RTN4: variants seen among roughly 807,000 people sequenced by gnomAD.
The protein encoded by RTN4 is reticulon 4.
Under a neutral mutation model 90.4 loss-of-function variants are expected in RTN4, and 32 were observed. The observed-to-expected ratio is 0.35, with a 90% CI of 0.27 to 0.48. RTN4 has a LOEUF of 0.48. Among genes scored for constraint, RTN4 ranks in the 20% least tolerant of loss-of-function variants. The pLI is 0.99. For synonymous variants in RTN4, 629 were observed against 552.5 expected (o/e 1.14, Z -1.94); for missense variants, 1,706 against 1,430.2 (o/e 1.19, Z -3.11).
At chr2:55,089,214 T>C (rs1235489824) in intron 1 of RTN4, among the ~76,000 whole-genome samples, 3 of 152,094 alleles carry the variant, frequency 2.0e-5, no homozygotes, top group Admixed American at 1.3e-4. Context: ...GGGCTATCCT[T>C]AGGACTCTTT....
At chr2:55,113,752 G>A (rs1197099629), upstream of RTN4, among the ~76,000 whole-genome samples, 1 of 152,178 alleles carries the variant, frequency 6.6e-6, no homozygotes, top group African/African-American at 2.4e-5. Flanking sequence ...AGGGAGAGGT[G>A]ACCCCCAGTC....
chr2:55,104,936 A>G (rs1031468001), intron 1 of RTN4, among the ~76,000 whole-genome samples: 1 of 151,850 alleles, frequency 6.6e-6, no homozygotes, highest in Non-Finnish European at 1.5e-5. Context: ...CCTCTCAAAT[A>G]GCTGAGACCA....
chr2:55,049,941 T>A lies in RTN4; in HGVS notation c.360A>T (p.Pro120=). The change falls in exon 1 of 9, where the codon CCA becomes CCT. Residue 120 remains proline (P), a synonymous_variant. Coordinates refer to ENST00000337526, the MANE Select transcript of RTN4 (RefSeq NM_020532.5). The stretch of plus-strand genomic sequence containing the variant: ...AGACTGCGGCAGCAGACAGCGGGGA[T>A]GGCGCGGGCACGGTCGACGACACCG... ...PSPVSSTVPA[P]SPLSAAAVSP... is the part of the protein sequence containing the mutation. 7.4e-7 allele frequency: 1 copy of A among 1,344,036 alleles called. No homozygotes were observed. Among genetic ancestry groups the A allele is most frequent in the Non-Finnish European group, 9.5e-7 (1 of 1,053,900 alleles). 83.3% of individuals were successfully genotyped at this position (1,344,036 alleles called of 1,614,324 possible). A position where few individuals can be genotyped will look rare whatever the true frequency, so the allele number is the denominator to read the frequency against.
At chr2:54,995,611 T>C (rs1050061466) in intron 3 of RTN4, among the ~76,000 whole-genome samples, 1 of 152,204 alleles carries the variant, frequency 6.6e-6, no homozygotes, top group African/African-American at 2.4e-5. Flanking sequence ...AGCTGCTTAT[T>C]CCAGTTCTGG....
At chr2:55,022,312 C>G (rs1681501200) in intron 3 of RTN4, among the ~76,000 whole-genome samples, 1 of 152,130 alleles carries the variant, frequency 6.6e-6, no homozygotes, top group Non-Finnish European at 1.5e-5. Flanking sequence ...CTGTTCCCTC[C>G]TAAACCATTT....
At chr2:55,077,076 G>A (rs1182676775) in intron 2 of RTN4, among the ~76,000 whole-genome samples, 1 of 150,270 alleles carries the variant, frequency 6.7e-6, no homozygotes, top group Non-Finnish European at 1.5e-5. Flanking sequence ...GCAGTGGCGC[G>A]ATCTCGGCTC....
intron 2 of RTN4, among the ~76,000 whole-genome samples, chr2:55,073,608 T>C (rs1399132524): frequency 2.0e-5 from 3 of 152,206 alleles, no homozygotes; most frequent in African/African-American, 7.2e-5. Context: ...TACACTACTA[T>C]GTCAATGTGC....
At chr2:55,064,147 A>C (rs184096572) in intron 2 of RTN4, among the ~76,000 whole-genome samples, 1 of 150,862 alleles carries the variant, frequency 6.6e-6, no homozygotes, top group East Asian at 1.9e-4. Flanking sequence ...CCTTGAACTC[A>C]GGAGTGGCAC....
At chr2:55,071,681 A>G (rs1668517588) in intron 2 of RTN4, among the ~76,000 whole-genome samples, 1 of 152,036 alleles carries the variant, frequency 6.6e-6, no homozygotes, top group African/African-American at 2.4e-5. Flanking sequence ...TTTTTAGCAA[A>G]CCATAGCCCA....
intron 5 of RTN4, among the ~76,000 whole-genome samples, chr2:54,976,655 G>A (rs1677659846): frequency 6.6e-6 from 1 of 152,158 alleles, no homozygotes; most frequent in Non-Finnish European, 1.5e-5. Flanking sequence ...TGTATTCAGG[G>A]AACACACCAC....
chr2:55,120,898 T>C, the RTN4 span, among the ~76,000 whole-genome samples: 10 of 152,226 alleles, frequency 6.6e-5, no homozygotes, highest in Admixed American at 3.9e-4. Context: ...GCTCCAGACA[T>C]GGCATTCAAC....
intron 1 of RTN4, among the ~76,000 whole-genome samples, chr2:55,042,224 G>T (rs1415490188): frequency 6.6e-6 from 1 of 152,220 alleles, no homozygotes; most frequent in East Asian, 1.9e-4. Context: ...TGACACTTTG[G>T]CATTAGCTAC....
At chr2:55,073,315 G>A (rs1251939755) in intron 2 of RTN4, among the ~76,000 whole-genome samples, 1 of 152,118 alleles carries the variant, frequency 6.6e-6, no homozygotes, top group African/African-American at 2.4e-5. Context: ...ATCATCCAAT[G>A]TGCATCTCAT....
chr2:55,042,342 T>C (rs1285643595), intron 1 of RTN4, among the ~76,000 whole-genome samples: 1 of 152,120 alleles, frequency 6.6e-6, no homozygotes, highest in Non-Finnish European at 1.5e-5. Flanking sequence ...TACAAGAGTG[T>C]TCACAGAAAT....
chr2:55,129,220 A>C, the RTN4 span, among the ~76,000 whole-genome samples: 2 of 152,272 alleles, frequency 1.3e-5, no homozygotes, highest in Non-Finnish European at 2.9e-5. Context: ...AATATGCCAA[A>C]TCTCACTGTA....
At chr2:55,029,988 G>T (rs1682187061) in intron 1 of RTN4, among the ~76,000 whole-genome samples, 1 of 152,120 alleles carries the variant, frequency 6.6e-6, no homozygotes, top group Non-Finnish European at 1.5e-5. Context: ...GAGGGTCAAA[G>T]AGCAGAACCA....
At chr2:55,062,206 C>A (rs1356309832) in intron 2 of RTN4, among the ~76,000 whole-genome samples, 1 of 151,334 alleles carries the variant, frequency 6.6e-6, no homozygotes, top group Non-Finnish European at 1.5e-5. Flanking sequence ...CTCAATAAAA[C>A]CTTGCACTCA....
In RTN4 at chr2:55,050,157, G is replaced by A. The variant is rs767141675; in HGVS notation, c.144C>T (p.Asp48=). 1.3e-6 allele frequency: 2 copies of A among 1,561,834 alleles called. No homozygotes were observed. Among genetic ancestry groups the A allele is most frequent in the South Asian group, 2.3e-5 (2 of 86,108 alleles). ...TCTCCAGCACCTCCAGCTCCTCCAG[G>A]TCTTCGTCCTCGTCCTCCTCTTCCT... is the stretch of plus-strand genomic sequence containing the variant. ...EEEEEEDEDE[D]LEELEVLERK... Residue 48 remains aspartate (D), a synonymous_variant, in exon 1 of 9, where the codon GAC becomes GAT. Coordinates refer to ENST00000337526, the MANE Select transcript of RTN4 (RefSeq NM_020532.5). This position sits in a 1 kb window ranked among gnomAD's most constrained non-coding sequence, Gnocchi z 4.6.
chr2:55,029,973 A>G (rs2104886199), intron 1 of RTN4, among the ~76,000 whole-genome samples: 1 of 150,118 alleles, frequency 6.7e-6, no homozygotes, highest in South Asian at 2.1e-4. Context: ...ATAAAACTGA[A>G]ATTTGAGGGT....
Sources: allele counts gnomAD v4.1 joint callset (sites outside exome capture counted in the v4.1 genomes callset), GRCh38; gene constraint gnomAD v4.1.1; non-coding constraint Gnocchi (gnomAD v3.1); transcripts MANE v1.5; gene names NCBI Gene and HGNC (gene_info 2026-07-23, HGNC 2026-07-21).